C2orf76: variants seen among roughly 807,000 people sequenced by gnomAD.
The protein encoded by C2orf76 is UPF0538 protein C2orf76.
In C2orf76, 23 loss-of-function variants were observed where a neutral mutation model predicts 16.9. The ratio of observed to expected loss-of-function variants is 1.36; its 90% CI spans 0.98 to 1.93. The LOEUF (loss-of-function observed/expected upper bound fraction) is 1.93. Among genes scored for constraint, C2orf76 ranks in the 30% most tolerant of loss-of-function variants. C2orf76 has a pLI of 0.00. For missense variants in C2orf76, 152 were observed against 152.6 expected (o/e 1.00, Z 0.02); for synonymous variants, 48 against 52.3 (o/e 0.92, Z 0.35).
At chr2:119,324,605 A>G (rs1043258040) in intron 2 of C2orf76, among the ~76,000 whole-genome samples, 1 of 152,206 alleles carries the variant, frequency 6.6e-6, no homozygotes, top group Non-Finnish European at 1.5e-5. Context: ...TGCTCAAAAT[A>G]TTCATGAAAG....
chr2:119,282,141 G>A, the C2orf76 span, among the ~76,000 whole-genome samples: 8 of 142,328 alleles, frequency 5.6e-5, no homozygotes, highest in South Asian at 6.6e-4. Context: ...GCCAGACTCC[G>A]TCTCAAAGAA....
intron 1 of C2orf76, among the ~76,000 whole-genome samples, chr2:119,345,209 G>A (rs2104615875): frequency 6.6e-6 from 1 of 152,246 alleles, no homozygotes; most frequent in African/African-American, 2.4e-5. Flanking sequence ...CAAGGATAAA[G>A]GTAATTAACA....
intron 4 of C2orf76, among the ~76,000 whole-genome samples, chr2:119,316,339 T>G: frequency 6.6e-6 from 1 of 152,204 alleles, no homozygotes; most frequent in East Asian, 1.9e-4. Context: ...ATTGTAAAAC[T>G]GGCATATACA....
chr2:119,285,875 G>C, the C2orf76 span, among the ~76,000 whole-genome samples: 177 of 152,258 alleles, frequency 1.2e-3, 2 homozygotes, highest in Admixed American at 9.1e-3. Flanking sequence ...AGATGCAAGA[G>C]TAAGCCTGAT....
At chr2:119,333,130 AC>A (rs1448922527) in intron 2 of C2orf76, among the ~76,000 whole-genome samples, 16 of 152,248 alleles carry the variant, frequency 1.1e-4, no homozygotes, top group Non-Finnish European at 7.3e-5. Flanking sequence ...CATTGCCTTA[AC>A]AGTATGTTGA....
At chr2:119,346,521 T>C (rs1353940538) in intron 1 of C2orf76, among the ~76,000 whole-genome samples, 1 of 152,190 alleles carries the variant, frequency 6.6e-6, no homozygotes, top group Non-Finnish European at 1.5e-5. Flanking sequence ...TCAAGCTGAA[T>C]GAAAAAAGGC....
At chr2:119,344,896 T>C (rs1260955539) in intron 1 of C2orf76, among the ~76,000 whole-genome samples, 2 of 152,128 alleles carry the variant, frequency 1.3e-5, no homozygotes, top group East Asian at 3.8e-4. Flanking sequence ...AAGATGAAAG[T>C]GGCATCTCAA....
At chr2:119,348,563 G>A (rs1680279503) in intron 1 of C2orf76, among the ~76,000 whole-genome samples, 1 of 152,060 alleles carries the variant, frequency 6.6e-6, no homozygotes, top group Non-Finnish European at 1.5e-5. Context: ...GTGCGCGCCT[G>A]TAATCCCAGC....
the C2orf76 span, among the ~76,000 whole-genome samples, chr2:119,287,955 T>C: frequency 6.6e-6 from 1 of 152,022 alleles, no homozygotes; most frequent in South Asian, 2.1e-4. Context: ...GTGACAGAAA[T>C]CACAGCAGTA....
At chr2:119,313,935 C>T (rs1007062230) in intron 4 of C2orf76, among the ~76,000 whole-genome samples, 2 of 150,362 alleles carry the variant, frequency 1.3e-5, no homozygotes, top group African/African-American at 4.9e-5. Context: ...AGCATCTTCA[C>T]ATGCTAAGGA....
intron 2 of C2orf76, among the ~76,000 whole-genome samples, chr2:119,335,382 C>A (rs1402183484): frequency 6.6e-6 from 1 of 152,132 alleles, no homozygotes; most frequent in East Asian, 1.9e-4. Context: ...AAAGCTGATT[C>A]TAAGAACAGG....
chr2:119,350,076 G>GCCCC (rs1344357904), intron 1 of C2orf76, among the ~76,000 whole-genome samples: 1 of 32,848 alleles, frequency 3.0e-5, no homozygotes, highest in Non-Finnish European at 6.9e-5. Context: ...ACCGCCCCCC[G>GCCCC]CCCCCCCACC....
chr2:119,281,519 AAAAGAG>A, the C2orf76 span, among the ~76,000 whole-genome samples: 2 of 76,402 alleles, frequency 2.6e-5, no homozygotes, highest in African/African-American at 2.1e-4. Context: ...AAAGAAAATA[AAAAGAG>A]AGAGAGAGAG....
chr2:119,326,120 T>C (rs1412016962), intron 2 of C2orf76, among the ~76,000 whole-genome samples: 1 of 152,268 alleles, frequency 6.6e-6, no homozygotes, highest in Non-Finnish European at 1.5e-5. Context: ...TTATAGTTTA[T>C]GCTTATTGTG....
At chr2:119,326,346 A>G (rs1433287866) in intron 2 of C2orf76, among the ~76,000 whole-genome samples, 2 of 152,202 alleles carry the variant, frequency 1.3e-5, no homozygotes, top group African/African-American at 4.8e-5. Flanking sequence ...CTCCTCAAAA[A>G]TACCTTGAGC....
intron 3 of C2orf76, among the ~76,000 whole-genome samples, chr2:119,319,136 G>A (rs563756819): frequency 6.6e-6 from 1 of 152,144 alleles, no homozygotes; most frequent in South Asian, 2.1e-4. Context: ...CAAAACTATA[G>A]TCTGACCTTA....
At chr2:119,322,203 C>T (rs540300174) in intron 2 of C2orf76, among the ~76,000 whole-genome samples, 10 of 152,046 alleles carry the variant, frequency 6.6e-5, no homozygotes, top group African/African-American at 1.9e-4. Context: ...AGTGAATGAA[C>T]GAATTTATTG....
the C2orf76 span, among the ~76,000 whole-genome samples, chr2:119,292,141 T>C: frequency 6.6e-6 from 1 of 152,158 alleles, no homozygotes; most frequent in African/African-American, 2.4e-5. Flanking sequence ...TGTATAATTT[T>C]AAATGTCACC....
At chr2:119,281,767 T>C in the C2orf76 span, among the ~76,000 whole-genome samples, 1 of 152,100 alleles carries the variant, frequency 6.6e-6, no homozygotes, top group African/African-American at 2.4e-5. Context: ...AAATGCTTGG[T>C]GGAGACCCGC....
Sources: allele counts gnomAD v4.1 joint callset (sites outside exome capture counted in the v4.1 genomes callset), GRCh38; gene constraint gnomAD v4.1.1; transcripts MANE v1.5; gene names NCBI Gene and HGNC (gene_info 2026-07-23, HGNC 2026-07-21).